Variants in RP2 observed in about 807,000 individuals in gnomAD.
RP2 encodes RP2 activator of ARL3 GTPase.
A neutral mutation model predicts 20.3 loss-of-function variants in RP2; 3 were observed. The ratio of observed to expected loss-of-function variants is 0.15; its 90% CI spans 0.07 to 0.38. The LOEUF is 0.38. RP2 is among the 10% of genes least tolerant of loss of function. The pLI is 1.00. For missense variants in RP2, 233 were observed against 268.5 expected (o/e 0.87, Z 0.92); for synonymous variants, 75 against 94.8 (o/e 0.79, Z 1.22).
At chrX:46,852,803 G>A (rs1214940614) in intron 1 of RP2, among the ~76,000 whole-genome samples, 2 of 110,803 alleles carry the variant, frequency 1.8e-5, no homozygotes, top group African/African-American at 3.3e-5. Context: ...GGCTGGTCTC[G>A]AACTCCTGGT....
Position 46,869,606 on chromosome X carries a change from C to CT in RP2, c.884-7879dup, listed in dbSNP as rs1196606271. ...CGTCAGTTGTAGGTTTTCATACATA[C>CT]TTTTTTTTTTTTTTTTTTTTGAGGC... On this transcript the variant is annotated intron_variant, in intron 3 of 4. Transcript: ENST00000218340. Among the ~76,000 whole-genome samples the CT allele has an allele frequency of 6.7e-3, 366 of 54,485 alleles. 3 individuals carry two copies. Among genetic ancestry groups the CT allele is most frequent in the African/African-American group, 9.5e-3 (137 of 14,479 alleles). The allele number at this position is 54,485 out of a possible 115,157, so 47.3% of individuals were successfully genotyped here. A position where few individuals can be genotyped will look rare whatever the true frequency, so the allele number is the denominator to read the frequency against.
chrX:46,857,540 G>A (rs953459194), intron 2 of RP2, among the ~76,000 whole-genome samples: 2 of 111,948 alleles, frequency 1.8e-5, no homozygotes, highest in Non-Finnish European at 3.8e-5. Flanking sequence ...GCCTGGGCGA[G>A]AGGGCAAGAC....
At chrX:46,840,174 T>C (rs1483814970) in intron 1 of RP2, among the ~76,000 whole-genome samples, 1 of 112,124 alleles carries the variant, frequency 8.9e-6, no homozygotes, top group Non-Finnish European at 1.9e-5. Flanking sequence ...GAGACAGGGT[T>C]TCACCTTGTT....
rs1767977827 is a variant in RP2 at position 46,853,587 on chromosome X, A to G, written c.214A>G (p.Ile72Val). The G allele has an allele frequency of 8.3e-7, 1 of 1,209,522 alleles. No homozygotes were observed. ...CATTCAAGACTGTGAGAACTGTAAC[A>G]TCTATATTTTTGATCACTCTGCTAC... ...FLIQDCENCN[I>V]YIFDHSATVT... Residue 72 changes from isoleucine to valine, a missense_variant, in exon 2 of 5, where the codon ATC (isoleucine) becomes GTC (valine). Ile to Val is a conservative substitution (Grantham distance 29, BLOSUM62 3). Around this residue, in one of 3 missense-constraint regions of RP2, gnomAD observed 77 missense variants for 71.8 expected, o/e 1.07. Coordinates refer to ENST00000218340, the MANE Select transcript of RP2 (RefSeq NM_006915.3).
chrX:46,850,868 A>C (rs1350596411), intron 1 of RP2, among the ~76,000 whole-genome samples: 1 of 111,920 alleles, frequency 8.9e-6, no homozygotes, highest in Non-Finnish European at 1.9e-5. Flanking sequence ...TAGTGCCTAA[A>C]ACAATGTCTG....
chrX:46,873,862 G>A (rs1234153315), intron 3 of RP2, among the ~76,000 whole-genome samples: 2 of 110,143 alleles, frequency 1.8e-5, no homozygotes, highest in Admixed American at 9.8e-5. Flanking sequence ...CTCCCCTGAC[G>A]GTTCCCCATG....
chrX:46,847,744 A>ATATG (rs1924754287), intron 1 of RP2, among the ~76,000 whole-genome samples: 1 of 81,529 alleles, frequency 1.2e-5, no homozygotes, highest in African/African-American at 4.9e-5. Flanking sequence ...ATACACACAT[A>ATATG]TGTGTGTGTG....
chrX:46,843,133 C>G (rs1372537379), intron 1 of RP2, among the ~76,000 whole-genome samples: 1 of 109,070 alleles, frequency 9.2e-6, no homozygotes, highest in Non-Finnish European at 1.9e-5. Context: ...TCGGCCTCCC[C>G]AGCAGCTGAG....
chrX:46,857,498 G>A (rs1924984150), intron 2 of RP2, among the ~76,000 whole-genome samples: 1 of 112,092 alleles, frequency 8.9e-6, no homozygotes, highest in African/African-American at 3.2e-5. Context: ...GGCGGAGGTT[G>A]CAGTGAGCTG....
intron 3 of RP2, among the ~76,000 whole-genome samples, chrX:46,865,296 T>C (rs1925151140): frequency 8.9e-6 from 1 of 112,320 alleles, no homozygotes; most frequent in African/African-American, 3.2e-5. Context: ...CAGTCTTCCT[T>C]GTTTCTCATA....
At chrX:46,857,938 A>G (rs782140981) in intron 2 of RP2, among the ~76,000 whole-genome samples, 2 of 112,059 alleles carry the variant, frequency 1.8e-5, no homozygotes, top group South Asian at 7.3e-4. Context: ...AATTCTCTAC[A>G]ATTTTTAAAT....
intron 1 of RP2, among the ~76,000 whole-genome samples, chrX:46,847,704 A>ATATATACACACATATATGTGTGTGTG (rs1569531334): frequency 2.2e-4 from 18 of 82,595 alleles, no homozygotes; most frequent in Non-Finnish European, 3.2e-4. Context: ...GTGTGTGTGT[A>ATATATACACACATATATGTGTGTGTG]TATATACACA....
At chrX:46,856,419 T>G (rs1024123766) in intron 2 of RP2, among the ~76,000 whole-genome samples, 7 of 111,891 alleles carry the variant, frequency 6.3e-5, no homozygotes, top group Admixed American at 4.8e-4. Flanking sequence ...ACAGCGATAA[T>G]AATAACTAAC....
At chrX:46,868,785 CAAA>C (rs142957575) in intron 3 of RP2, among the ~76,000 whole-genome samples, 1 of 43,441 alleles carries the variant, frequency 2.3e-5, no homozygotes, top group Admixed American at 3.1e-4. Flanking sequence ...TACTCCATCT[CAAA>C]AAAAAAAAAA....
chrX:46,874,709 C>T (rs2147088475), intron 3 of RP2, among the ~76,000 whole-genome samples: 1 of 111,942 alleles, frequency 8.9e-6, no homozygotes, highest in African/African-American at 3.2e-5. Flanking sequence ...ACAATAATTC[C>T]TTAGTATCCT....
At chrX:46,865,336 A>G (rs1316082679) in intron 3 of RP2, among the ~76,000 whole-genome samples, 1 of 111,695 alleles carries the variant, frequency 9.0e-6, no homozygotes, top group Middle Eastern at 4.2e-3. Context: ...GTAGTGGTCA[A>G]TTATTTTGTA....
rs1203213916 is a variant in RP2 at position 46,878,364 on chromosome X, G to A, written c.969+774G>A. Among the ~76,000 whole-genome samples, 9 of 99,006 alleles carry A rather than the reference G, an allele frequency of 9.1e-5. 1 individual carries two copies. The highest frequency in any genetic ancestry group is 3.1e-4 in the East Asian group (1 of 3,217). The allele number at this position is 99,006 out of a possible 115,157, so 86.0% of individuals were successfully genotyped here. On this transcript the variant is annotated intron_variant, in intron 4 of 4. Coordinates refer to ENST00000218340, the MANE Select transcript of RP2 (RefSeq NM_006915.3). ...TGCACTCCAGCCTGGGCGACAGAGC[G>A]AGACTCTGTCTCAAAAAAAAAAAAA... is the stretch of plus-strand genomic sequence containing the variant.
intron 2 of RP2, among the ~76,000 whole-genome samples, chrX:46,858,160 T>C (rs186225155): frequency 8.9e-6 from 1 of 112,122 alleles, no homozygotes; most frequent in Admixed American, 9.5e-5. Flanking sequence ...AGTAGGTAAG[T>C]CTGGAAAGTT....
chrX:46,847,787 CATGTGT>C (rs1924771406), intron 1 of RP2, among the ~76,000 whole-genome samples: 2 of 82,653 alleles, frequency 2.4e-5, no homozygotes, highest in Admixed American at 2.5e-4. Context: ...TACATACACA[CATGTGT>C]GTGTGTATAT....
Sources: gnomAD v4.1 joint callset for allele counts (sites outside exome capture counted in the v4.1 genomes callset) on GRCh38, gnomAD v4.1.1 for gene constraint, gnomAD v4.1.1 regional missense constraint, MANE v1.5 for transcripts, NCBI Gene and HGNC (gene_info 2026-07-23, HGNC 2026-07-21) for gene names.